The following PTPRM variants were observed in gnomAD, a reference collection of about 807,000 sequenced individuals.
PTPRM encodes the protein protein tyrosine phosphatase receptor type M.
In PTPRM, 47 loss-of-function variants were observed where a neutral mutation model predicts 186.7. The observed-to-expected ratio is 0.25, with a 90% confidence interval of 0.20 to 0.32. The LOEUF is 0.32. Ranked by LOEUF, PTPRM falls within the 10% of genes least tolerant of loss-of-function variation. The probability of loss-of-function intolerance (pLI) is 1.00; values close to 1 mark genes in which losing one functional copy is unlikely to be tolerated. For synonymous variants in PTPRM, 668 were observed against 674.9 expected (o/e 0.99, Z 0.16); for missense variants, 1,494 against 1,865.0 (o/e 0.80, Z 3.66).
intron 1 of PTPRM, among the ~76,000 whole-genome samples, chr18:7,689,006 T>G (rs1258485681): frequency 2.6e-5 from 4 of 152,174 alleles, no homozygotes; most frequent in Non-Finnish European, 4.4e-5. Flanking sequence ...GTTACTCATT[T>G]AGTTTTTATT....
At chr18:7,741,793 TAGCACTGGCTTCACCTC>T (rs2040889693) in intron 1 of PTPRM, 1 of 152,216 alleles carries the variant, frequency 6.6e-6, no homozygotes, top group Non-Finnish European at 1.5e-5. Flanking sequence ...AGTGAAACCT[TAGCACTGGCTTCACCTC>T]AGCAGATGCA....
intron 32 of PTPRM, chr18:8,399,685 C>T (rs1245798710): frequency 1.3e-5 from 2 of 152,314 alleles, no homozygotes; most frequent in Middle Eastern, 3.4e-3. Flanking sequence ...TTTCGTCATT[C>T]GTGCAAGCCA....
At chr18:8,158,695 C>A (rs1279373437) in intron 14 of PTPRM, among the ~76,000 whole-genome samples, 1 of 152,148 alleles carries the variant, frequency 6.6e-6, no homozygotes, top group Non-Finnish European at 1.5e-5. Context: ...GCAGGCTTTA[C>A]AAGCATGGTG....
intron 14 of PTPRM, among the ~76,000 whole-genome samples, chr18:8,230,674 A>G (rs2094275715): frequency 1.3e-5 from 2 of 152,220 alleles, no homozygotes; most frequent in Non-Finnish European, 2.9e-5. Context: ...CTGAAGCCCT[A>G]CATAAATTTT....
chr18:8,321,338 C>T (rs908993115), intron 22 of PTPRM, among the ~76,000 whole-genome samples: 7 of 152,104 alleles, frequency 4.6e-5, no homozygotes, highest in Non-Finnish European at 5.9e-5. Context: ...GGTGACTAAA[C>T]GAACAGCTAA....
intron 2 of PTPRM, among the ~76,000 whole-genome samples, chr18:7,783,686 T>G (rs1468123138): frequency 1.3e-5 from 2 of 151,910 alleles, no homozygotes; most frequent in East Asian, 3.9e-4. Context: ...ATCCTCCTGC[T>G]TGGGCCTCTG....
chr18:7,676,033 G>A (rs1480551464), intron 1 of PTPRM, among the ~76,000 whole-genome samples: 1 of 152,028 alleles, frequency 6.6e-6, no homozygotes, highest in Non-Finnish European at 1.5e-5. Context: ...CACTGTGCCC[G>A]GCCTTTCAGC....
In PTPRM at chr18:7,668,038, G is replaced by A. The variant is rs958390430; in HGVS notation, c.73+100147G>A. Reference sequence around the variant, plus strand: ...CAAGTTCTGAGTAAATGTGGAATCAGGTTGGAAGTCCCAGGGTTCATAGTG... The same window carrying A: ...CAAGTTCTGAGTAAATGTGGAATCAAGTTGGAAGTCCCAGGGTTCATAGTG... On this transcript the variant is annotated intron_variant, in intron 1 of 32. Transcript: ENST00000580170. The surrounding 1 kb of genome is among the most constrained non-coding windows in gnomAD (Gnocchi z 4.7). Among the ~76,000 whole-genome samples, 1 of 152,252 alleles carries A rather than the reference G, an allele frequency of 6.6e-6. No homozygotes were observed. Among genetic ancestry groups the A allele is most frequent in the South Asian group, 2.1e-4 (1 of 4,810 alleles).
chr18:8,061,864 G>A (rs1189808984), intron 7 of PTPRM, among the ~76,000 whole-genome samples: 2 of 48,748 alleles, frequency 4.1e-5, no homozygotes, highest in African/African-American at 9.4e-5. Context: ...AGGGTAACCC[G>A]ACCTTTCTCT....
chr18:7,643,584 C>T (rs980954872), intron 1 of PTPRM, among the ~76,000 whole-genome samples: 1 of 152,172 alleles, frequency 6.6e-6, no homozygotes, highest in Non-Finnish European at 1.5e-5. Context: ...TTGTGATCTG[C>T]CCGCTTTGGC....
At chr18:8,024,269 A>C (rs975172143) in intron 7 of PTPRM, among the ~76,000 whole-genome samples, 11 of 152,010 alleles carry the variant, frequency 7.2e-5, no homozygotes, top group African/African-American at 2.2e-4. Flanking sequence ...ATTTCAAGTA[A>C]CTGAAAATTT....
intron 3 of PTPRM, among the ~76,000 whole-genome samples, chr18:7,898,632 CCA>C (rs1357165544): frequency 6.6e-6 from 1 of 152,114 alleles, no homozygotes; most frequent in African/African-American, 2.4e-5. Context: ...ATGGCTTTTC[CCA>C]CAGTCTCCAA....
At chr18:7,960,688 T>G (rs925079318) in intron 7 of PTPRM, among the ~76,000 whole-genome samples, 5 of 151,672 alleles carry the variant, frequency 3.3e-5, no homozygotes, top group African/African-American at 1.2e-4. Context: ...AGCCCAGGAG[T>G]TGGAGATTGC....
At chr18:8,254,175 C>T (rs2094554303) in intron 19 of PTPRM, among the ~76,000 whole-genome samples, 1 of 152,200 alleles carries the variant, frequency 6.6e-6, no homozygotes, top group Non-Finnish European at 1.5e-5. Context: ...CCAGCCAGCC[C>T]AGAGAGCATG....
intron 22 of PTPRM, 106 bp downstream of exon 22, chr18:8,319,320 G>T: frequency 1.3e-6 from 1 of 766,796 alleles, no homozygotes; most frequent in Non-Finnish European, 2.1e-6. Context: ...CATTTATTGC[G>T]GTTCTAGCCA....
chr18:7,743,557 G>C lies in PTPRM; in HGVS notation c.74-30592G>C, dbSNP rs1462446648. Among the ~76,000 whole-genome samples, 5 of 152,242 alleles carry C rather than the reference G, an allele frequency of 3.3e-5. No individual in the cohort carries two copies. The East Asian group carries it at 9.7e-4, about 29-fold the overall frequency. ...TATTAAAATAAAAAGAGAAAGAGCT[G>C]CTAAAACCTGGTATTTTAATAAATT... On this transcript the variant is annotated intron_variant, in intron 1 of 32. Coordinates refer to ENST00000580170, the MANE Select transcript of PTPRM (RefSeq NM_001105244.2).
intron 2 of PTPRM, chr18:7,815,383 C>T (rs2044755525): frequency 6.6e-6 from 1 of 152,210 alleles, no homozygotes; most frequent in South Asian, 2.1e-4. Flanking sequence ...CTATCTGTAC[C>T]ATACCTTTGA....
chr18:8,089,645 T>C (rs2090609571), intron 11 of PTPRM, among the ~76,000 whole-genome samples: 1 of 152,214 alleles, frequency 6.6e-6, no homozygotes, highest in Non-Finnish European at 1.5e-5. Context: ...AATAGAGTAC[T>C]TGGAAGAAAG....
chr18:7,747,604 G>T, intron 1 of PTPRM: 1 of 152,434 alleles, frequency 6.6e-6, no homozygotes, highest in Non-Finnish European at 1.5e-5. Context: ...CCTTGGCTTT[G>T]TAGGTGCATC....
Sources: allele counts gnomAD v4.1 joint callset (sites outside exome capture counted in the v4.1 genomes callset), GRCh38; gene constraint gnomAD v4.1.1; non-coding constraint Gnocchi (gnomAD v3.1); transcripts MANE v1.5; gene names NCBI Gene and HGNC (gene_info 2026-07-23, HGNC 2026-07-21).